Variants in NPM3 observed in about 807,000 individuals in gnomAD.
The protein encoded by NPM3 is nucleophosmin/nucleoplasmin 3.
Under a neutral mutation model 18.1 loss-of-function variants are expected in NPM3, and 12 were observed. That is an observed-to-expected ratio of 0.66 (90% CI 0.42 to 1.07). The LOEUF (loss-of-function observed/expected upper bound fraction) is 1.07, where lower values mean the gene tolerates loss of function less well. Among genes scored for constraint, NPM3 ranks in the 50% least tolerant of loss-of-function variants. The pLI is 0.00. For synonymous variants in NPM3, 116 were observed against 93.7 expected, an observed-to-expected ratio of 1.24 and a Z score of -1.38; for missense variants, 274 against 232.1, an observed-to-expected ratio of 1.18 and a Z score of -1.17.
chr10:101,783,368 G>A (rs1208711733), exon 1 of NPM3: 4 of 1,611,752 alleles, frequency 2.5e-6, no homozygotes, highest in African/African-American at 1.3e-5. Flanking sequence ...AAACGCTAAG[G>A]CAGCTGCAGT....
chr10:101,782,947 T>C (rs1459755525), intron 1 of NPM3, 23 bp from the exon 2 acceptor site: 7 of 1,609,882 alleles, frequency 4.3e-6, no homozygotes, highest in Non-Finnish European at 1.7e-6. Flanking sequence ...ACAGTGAGTA[T>C]GCCTGAGCGT....
exon 3 of NPM3, chr10:101,782,516 C>G (rs1403587994): frequency 3.1e-6 from 5 of 1,613,698 alleles, no homozygotes; most frequent in Non-Finnish European, 4.2e-6. Flanking sequence ...GCCACAGGGA[C>G]TGCGATCTCC....
intron 1 of NPM3, among the ~76,000 whole-genome samples, 162 bp from the exon 2 acceptor site, chr10:101,783,086 C>T (rs1350058193): frequency 2.6e-5 from 4 of 152,326 alleles, no homozygotes; most frequent in African/African-American, 9.6e-5. Flanking sequence ...CCGTGGGCCC[C>T]GCCCAACACA....
exon 1 of NPM3, chr10:101,783,381 C>T (rs1037409919): frequency 8.5e-5 from 136 of 1,607,874 alleles, no homozygotes; most frequent in Non-Finnish European, 1.1e-4. Flanking sequence ...GCTGCAGTAC[C>T]GGCGGCCATG....
chr10:101,782,035 T>C (rs2065144974), intron 4 of NPM3, among the ~76,000 whole-genome samples, 181 bp from the exon 5 acceptor site: 1 of 152,092 alleles, frequency 6.6e-6, no homozygotes, highest in South Asian at 2.1e-4. Flanking sequence ...GGAGTCTTCA[T>C]TATTGGAGCT....
chr10:101,782,741 A>G (rs1342791825), intron 2 of NPM3, 98 bp downstream of exon 2: 22 of 1,570,374 alleles, frequency 1.4e-5, no homozygotes, highest in Middle Eastern at 1.7e-4. Flanking sequence ...GGTTAGGCTG[A>G]GGATGTGTCT....
At chr10:101,781,679 C>T in intron 5 of NPM3, 47 bp from the exon 6 acceptor site, 1 of 1,599,644 alleles carries the variant, frequency 6.3e-7, no homozygotes, top group Non-Finnish European at 8.5e-7. Flanking sequence ...TCACCTGCTT[C>T]TCCTGCCCCT....
chr10:101,783,208 T>A (rs1589818115), intron 1 of NPM3, 65 bp downstream of exon 1: 4 of 1,240,472 alleles, frequency 3.2e-6, no homozygotes, highest in Non-Finnish European at 4.6e-6. Flanking sequence ...CCCTCCGCAT[T>A]CCCGCCTCAC....
At position 101,781,650 on chromosome 10, in the gene NPM3, G is replaced by A; in HGVS notation, c.*10-18C>T. The A allele has an allele frequency of 6.8e-7, 1 of 1,481,096 alleles. No homozygotes were observed. Among genetic ancestry groups the A allele is most frequent in the Non-Finnish European group, 9.2e-7 (1 of 1,084,868 alleles). The allele number at this position is 1,481,096 out of a possible 1,614,324, so 91.7% of individuals were successfully genotyped here. A position where few individuals can be genotyped will look rare whatever the true frequency, so the allele number is the denominator to read the frequency against. On this transcript the variant is annotated intron_variant, in intron 5 of 5. Coordinates refer to ENST00000370110, the Ensembl canonical transcript of NPM3. Reference sequence around the variant, plus strand: ...GAGCTGACCTGAAAAGAGGAAACAAGGAATCAGCATTTAGGCCCTCACCTG... The same window carrying A: ...GAGCTGACCTGAAAAGAGGAAACAAAGAATCAGCATTTAGGCCCTCACCTG...
intron 4 of NPM3, 39 bp from the exon 5 acceptor site, chr10:101,781,893 G>C: frequency 6.2e-7 from 1 of 1,614,072 alleles, no homozygotes; most frequent in Non-Finnish European, 8.5e-7. Context: ...GGGGTGTTAA[G>C]ACCAGACCGT....
upstream of NPM3, chr10:101,783,429 A>C (rs774302030): frequency 1.4e-6 from 2 of 1,476,204 alleles, no homozygotes; most frequent in Non-Finnish European, 1.8e-6. Flanking sequence ...CCCGACACGC[A>C]CAAAGCCGGG....
At chr10:101,783,306 G>A (rs771723050) in exon 1 of NPM3, 6 of 1,612,080 alleles carry the variant, frequency 3.7e-6, no homozygotes, top group Non-Finnish European at 5.1e-6. Flanking sequence ...ACCGGGGCCG[G>A]GACCCGTAGG....
At chr10:101,782,527 T>G (rs1327300593) in exon 3 of NPM3, 1 of 1,613,830 alleles carries the variant, frequency 6.2e-7, no homozygotes, top group Non-Finnish European at 8.5e-7. Flanking sequence ...TGCGATCTCC[T>G]GATGGTCATG....
intron 1 of NPM3, 88 bp from the exon 2 acceptor site, chr10:101,783,012 T>G: frequency 8.0e-7 from 1 of 1,244,740 alleles, no homozygotes; most frequent in South Asian, 1.3e-5. Flanking sequence ...CGTGTAACCT[T>G]GGGCGGACGG....
exon 6 of NPM3, chr10:101,781,474 A>T: frequency 2.1e-6 from 1 of 474,430 alleles, no homozygotes; most frequent in Non-Finnish European, 3.7e-6. Flanking sequence ...TCAGAAAACC[A>T]CGGCTGTGTG....
intron 1 of NPM3, 120 bp from the exon 2 acceptor site, chr10:101,783,044 G>A (rs2065155217): frequency 3.3e-6 from 3 of 908,680 alleles, no homozygotes; most frequent in South Asian, 1.6e-5. Context: ...GTCCACCTCC[G>A]TCTCTTCTCT....
exon 3 of NPM3, chr10:101,782,484 T>C: frequency 1.2e-6 from 2 of 1,611,506 alleles, no homozygotes; most frequent in Non-Finnish European, 1.7e-6. Flanking sequence ...TCACCATGGG[T>C]TGGCAGGACA....
chr10:101,782,896 G>A (rs1002571963), exon 2 of NPM3: 12 of 1,614,170 alleles, frequency 7.4e-6, no homozygotes, highest in Non-Finnish European at 1.0e-5. Flanking sequence ...TAAAGGTGAA[G>A]GAGCGGGTGT....
intron 4 of NPM3, among the ~76,000 whole-genome samples, 189 bp from the exon 5 acceptor site, chr10:101,782,043 G>A (rs899828201): frequency 1.8e-4 from 27 of 152,214 alleles, no homozygotes; most frequent in African/African-American, 2.4e-5. Flanking sequence ...CATTATTGGA[G>A]CTGGAGAAGT....
Sources: gnomAD v4.1 joint callset for allele counts (sites outside exome capture counted in the v4.1 genomes callset) on GRCh38, gnomAD v4.1.1 for gene constraint, MANE v1.5 for transcripts, NCBI Gene and HGNC (gene_info 2026-07-23, HGNC 2026-07-21) for gene names.